SH2D3A: variants seen among roughly 807,000 people sequenced by gnomAD.
SH2D3A encodes the protein SH2 domain containing 3A, also known as SH2 domain-containing protein 3A.
SH2D3A carries 46 observed loss-of-function variants against 50.6 expected under a neutral mutation model. The observed-to-expected ratio is 0.91, with a 90% CI of 0.72 to 1.16. The LOEUF (loss-of-function observed/expected upper bound fraction) is 1.16, where lower values mean the gene tolerates loss of function less well. SH2D3A is among the 50% of genes most tolerant of loss of function. The probability of loss-of-function intolerance (pLI) is 0.00; values close to 1 mark genes in which losing one functional copy is unlikely to be tolerated. For synonymous variants in SH2D3A, 377 were observed against 348.4 expected, an observed-to-expected ratio of 1.08 and a Z score of -0.91; for missense variants, 783 against 786.2, an observed-to-expected ratio of 1.00 and a Z score of 0.05.
Position 6,752,332 on chromosome 19 carries a change from C to T in SH2D3A, c.*261G>A, listed in dbSNP as rs1034470861. ...GTATGGCTATGATTTTGTTAAAGGC[C>T]GACACAGAGGTGAAGTCAACTGCTA... On this transcript the variant is annotated 3_prime_UTR_variant, in exon 10 of 10. Transcript: ENST00000245908. 3.5e-5 allele frequency: 13 copies of T among 369,304 alleles called. No individual in the cohort carries two copies. Among genetic ancestry groups the T allele is most frequent in the African/African-American group, 2.1e-4 (10 of 48,056 alleles). The allele number at this position is 369,304 out of a possible 1,614,324, so 22.9% of individuals were successfully genotyped here.
At chr19:6,758,152 T>G (rs1394380134) in intron 4 of SH2D3A, 2 of 151,572 alleles carry the variant, frequency 1.3e-5, no homozygotes, top group African/African-American at 4.8e-5. Flanking sequence ...TTTATTTTAT[T>G]TTTTTTTAGT....
At chr19:6,761,031 A>G in intron 2 of SH2D3A, 44 bp from the exon 3 acceptor site, 1 of 1,472,404 alleles carries the variant, frequency 6.8e-7, no homozygotes, top group African/African-American at 1.4e-5. Flanking sequence ...GAATGAGTCC[A>G]GGGCAGTGGT....
chr19:6,758,587 G>A (rs532232275), intron 4 of SH2D3A: 1 of 152,282 alleles, frequency 6.6e-6, no homozygotes, highest in Non-Finnish European at 1.5e-5. Context: ...ACAGGCCTGA[G>A]CCACTGTGCC....
intron 8 of SH2D3A, 131 bp downstream of exon 8, chr19:6,753,921 G>A (rs758660372): frequency 1.8e-5 from 21 of 1,170,986 alleles, no homozygotes; most frequent in South Asian, 8.3e-5. Context: ...CAACCCTCAT[G>A]TGGAGGGCGG....
At chr19:6,753,807 G>A (rs1356212982) in intron 8 of SH2D3A, among the ~76,000 whole-genome samples, 166 bp from the exon 9 acceptor site, 1 of 151,982 alleles carries the variant, frequency 6.6e-6, no homozygotes, top group Non-Finnish European at 1.5e-5. Flanking sequence ...GGCCTATGGC[G>A]AAGGGGCGTA....
rs1199714592 is a variant in SH2D3A at position 6,760,870 on chromosome 19, A to G, written c.187T>C (p.Phe63Leu). ...GGCCGGGGACGCAGGGCCACACGGAACACCTCAAAATGGAGGGCTGAGCCC... is the reference window on the plus strand; with the variant it reads ...GGCCGGGGACGCAGGGCCACACGGAGCACCTCAAAATGGAGGGCTGAGCCC... ...WRGSALHFEV[F>L]RVALRPRPGR... Residue 63 changes from phenylalanine (F) to leucine (L), a missense_variant, in exon 3 of 10, where the codon TTC becomes CTC. Coordinates refer to ENST00000245908, the MANE Select transcript of SH2D3A (RefSeq NM_005490.3). The G allele has an allele frequency of 1.2e-6, 2 of 1,614,232 alleles. No homozygotes were observed. The highest frequency in any genetic ancestry group is 1.7e-6 in the Non-Finnish European group (2 of 1,180,040).
chr19:6,756,715 T>C (rs1035348288), intron 4 of SH2D3A, among the ~76,000 whole-genome samples: 49 of 152,198 alleles, frequency 3.2e-4, no homozygotes, highest in African/African-American at 1.2e-3. Context: ...CAACAGTGCC[T>C]GGCTCACTCT....
chr19:6,754,488 G>A (rs1265278001), intron 6 of SH2D3A, 63 bp from the exon 7 acceptor site: 5 of 1,542,246 alleles, frequency 3.2e-6, no homozygotes, highest in African/African-American at 2.7e-5. Context: ...GGGGTGAGGG[G>A]GGACAGGAGG....
intron 4 of SH2D3A, among the ~76,000 whole-genome samples, chr19:6,756,330 ATATAGATATC>A (rs1969673923): frequency 6.6e-6 from 1 of 151,246 alleles, no homozygotes; most frequent in Admixed American, 6.6e-5. Context: ...TATACAATTA[ATATAGATATC>A]TATAGAGAGA....
chr19:6,759,432 G>A (rs1177360758), intron 4 of SH2D3A, 162 bp downstream of exon 4: 4 of 652,478 alleles, frequency 6.1e-6, no homozygotes, highest in South Asian at 5.2e-5. Context: ...CACATTTTAA[G>A]CACCCACAAA....
intron 2 of SH2D3A, 98 bp downstream of exon 2, chr19:6,763,582 C>G: frequency 1.8e-6 from 2 of 1,126,280 alleles, no homozygotes; most frequent in South Asian, 1.4e-5. Flanking sequence ...CCCAATAGAC[C>G]TTGGCACTAA....
intron 8 of SH2D3A, 119 bp from the exon 9 acceptor site, chr19:6,753,760 A>C: frequency 8.9e-7 from 1 of 1,124,930 alleles, no homozygotes; most frequent in Non-Finnish European, 1.2e-6. Flanking sequence ...GGGTCTGTGG[A>C]GAGGGGCCAG....
chr19:6,760,703 C>G lies in SH2D3A; in HGVS notation c.354G>C (p.Gly118=). 2 of 1,613,400 alleles carry G rather than the reference C, an allele frequency of 1.2e-6. No homozygotes were observed. The highest frequency in any genetic ancestry group is 1.7e-6 in the Non-Finnish European group (2 of 1,179,466). ...CCTCGCTAAAGCTGCGTCGCAGAGG[C>G]CCCTGCCAAGTCACAGGCCTGGAGA... ...AVVSRPVTWQ[G]PLRRSFSEDT... is the part of the protein sequence containing the mutation. Residue 118 remains glycine (G), a synonymous_variant, in exon 3 of 10, where the codon GGG becomes GGC. Coordinates refer to ENST00000245908, the MANE Select transcript of SH2D3A (RefSeq NM_005490.3).
At chr19:6,763,191 G>C (rs992563190) in intron 2 of SH2D3A, among the ~76,000 whole-genome samples, 1 of 152,142 alleles carries the variant, frequency 6.6e-6, no homozygotes, top group African/African-American at 2.4e-5. Context: ...AGCCTCCCAA[G>C]TAGCTGAGAC....
rs2144615870 is a variant in SH2D3A at position 6,759,645 on chromosome 19, G to A, written c.445C>T (p.Pro149Ser). Reference protein sequence around the residue: ...LRARKWSNSQPADLAHMGRSR... With the variant: ...LRARKWSNSQSADLAHMGRSR... ...CGCCCCATATGTGCCAAATCTGCAG[G>A]CTGACTGTTGCTCCACTTCCTTGCC... Residue 149 changes from proline (P) to serine (S), a missense_variant, in exon 4 of 10, where the codon CCT (proline) becomes TCT (serine). Transcript: ENST00000245908. 1 of 1,613,840 alleles carries A rather than the reference G, an allele frequency of 6.2e-7. No individual in the cohort carries two copies. Among genetic ancestry groups the A allele is most frequent in the Middle Eastern group, 1.7e-4 (1 of 6,060 alleles).
At chr19:6,763,903 A>ATTTTT (rs1568270967) in intron 1 of SH2D3A, 87 bp from the exon 2 acceptor site, 9 of 266,800 alleles carry the variant, frequency 3.4e-5, no homozygotes, top group South Asian at 7.5e-5. Context: ...GCTCCATCAA[A>ATTTTT]TCTTTTTTTT....
chr19:6,753,729 G>T, intron 8 of SH2D3A, 88 bp from the exon 9 acceptor site: 2 of 1,317,776 alleles, frequency 1.5e-6, no homozygotes, highest in Non-Finnish European at 2.0e-6. Flanking sequence ...CAGGGGCGGG[G>T]CTTAGGACTG....
In SH2D3A at chr19:6,763,815, A is replaced by G. The variant is rs1382316739; in HGVS notation, c.-67T>C. The G allele has an allele frequency of 1.5e-6, 2 of 1,357,328 alleles. No homozygotes were observed. The highest frequency in any genetic ancestry group is 2.9e-5 in the African/African-American group (2 of 69,564). The allele number at this position is 1,357,328 out of a possible 1,614,324, so 84.1% of individuals were successfully genotyped here. On this transcript the variant is annotated splice_region_variant and 5_prime_UTR_variant, in exon 2 of 10. An upstream start codon of the reference 5' UTR is lost. Transcript: ENST00000245908. ...CTTTCAACAGGCCTCAGTCTTCCAC[A>G]TCTGTAAAAGGGGAATAATTAGCCC...
At chr19:6,759,918 C>T (rs1969912930) in intron 3 of SH2D3A, among the ~76,000 whole-genome samples, 1 of 152,100 alleles carries the variant, frequency 6.6e-6, no homozygotes, top group Admixed American at 6.6e-5. Flanking sequence ...CCACCTCCTC[C>T]CCCACAACTA....
Sources: gnomAD v4.1 joint callset for allele counts (sites outside exome capture counted in the v4.1 genomes callset) on GRCh38, gnomAD v4.1.1 for gene constraint, MANE v1.5 for transcripts, NCBI Gene and HGNC (gene_info 2026-07-23, HGNC 2026-07-21) for gene names.